Variants in ESRRB observed in about 807,000 individuals in gnomAD.
ESRRB encodes steroid hormone receptor ERR2.
Under a neutral mutation model 46.0 loss-of-function variants are expected in ESRRB, and 16 were observed. The observed-to-expected ratio is 0.35, with a 90% CI of 0.24 to 0.53. The LOEUF is 0.53. Ranked by LOEUF, ESRRB falls within the 20% of genes least tolerant of loss-of-function variation. The pLI is 0.93. For synonymous variants in ESRRB, 246 were observed against 259.6 expected (o/e 0.95, Z 0.50); for missense variants, 488 against 607.4 (o/e 0.80, Z 2.07).
chr14:76,432,691 T>C (rs974569206), intron 1 of ESRRB, among the ~76,000 whole-genome samples: 2 of 125,094 alleles, frequency 1.6e-5, no homozygotes, highest in African/African-American at 3.6e-5. Flanking sequence ...TTTTTTTTTT[T>C]CTGAGACGGT....
intron 1 of ESRRB, among the ~76,000 whole-genome samples, chr14:76,380,098 G>A (rs1884949072): frequency 6.6e-6 from 1 of 152,142 alleles, no homozygotes; most frequent in Non-Finnish European, 1.5e-5. Context: ...TGTCCTGCGT[G>A]TGCTCCATTC....
chr14:76,454,968 C>G (rs574926822), intron 2 of ESRRB, among the ~76,000 whole-genome samples: 2 of 152,124 alleles, frequency 1.3e-5, no homozygotes, highest in African/African-American at 4.8e-5. Context: ...GCCTGGCCAA[C>G]ATGGTGAGGA....
intron 1 of ESRRB, among the ~76,000 whole-genome samples, chr14:76,403,879 C>T (rs543377622): frequency 1.0e-3 from 152 of 152,256 alleles, no homozygotes; most frequent in African/African-American, 3.3e-3. Flanking sequence ...CCACCACGCC[C>T]GGCTAATTTT....
chr14:76,385,196 T>C (rs1162376258), intron 1 of ESRRB, among the ~76,000 whole-genome samples: 1 of 145,010 alleles, frequency 6.9e-6, no homozygotes, highest in African/African-American at 2.5e-5. Context: ...TTCTTACTCA[T>C]AGTTTCTTTT....
chr14:76,324,047 G>A (rs368746778), intron 1 of ESRRB, among the ~76,000 whole-genome samples: 2 of 152,174 alleles, frequency 1.3e-5, no homozygotes, highest in African/African-American at 2.4e-5. Context: ...AACTTAGGTC[G>A]GAGTCTCCAG....
At chr14:76,332,034 C>T (rs1048752651) in intron 1 of ESRRB, among the ~76,000 whole-genome samples, 1 of 151,950 alleles carries the variant, frequency 6.6e-6, no homozygotes. Context: ...CCCCAATTTA[C>T]AGATCATTTT....
intron 1 of ESRRB, among the ~76,000 whole-genome samples, chr14:76,383,172 T>C (rs1325086433): frequency 6.6e-6 from 1 of 152,228 alleles, no homozygotes; most frequent in Non-Finnish European, 1.5e-5. Flanking sequence ...ATGTGAAGTG[T>C]CAAATTGAAT....
At chr14:76,443,609 A>G (rs1424182254) in intron 2 of ESRRB, among the ~76,000 whole-genome samples, 1 of 152,208 alleles carries the variant, frequency 6.6e-6, no homozygotes, top group African/African-American at 2.4e-5. Context: ...CTTTGAGGTC[A>G]GTTTTTGAAG....
chr14:76,476,377 G>T (rs1889586011), intron 3 of ESRRB, among the ~76,000 whole-genome samples: 1 of 152,146 alleles, frequency 6.6e-6, no homozygotes, highest in Admixed American at 6.5e-5. Flanking sequence ...TTATCAATAA[G>T]ATGATAAAAT....
In ESRRB at chr14:76,500,104, C is replaced by G. The variant is rs370126151; in HGVS notation, c.*1646C>G. ...AGCTTTTCCATAGAAGCCCTGGTCCCACCTCCTTGGCTCTACCCCAGGAAC... is the reference window on the plus strand; with the variant it reads ...AGCTTTTCCATAGAAGCCCTGGTCCGACCTCCTTGGCTCTACCCCAGGAAC... On this transcript the variant is annotated 3_prime_UTR_variant, in exon 7 of 7. Transcript: ENST00000644823. 6.6e-7 allele frequency: 1 copy of G among 1,519,398 alleles called. No individual in the cohort carries two copies. The allele number at this position is 1,519,398 out of a possible 1,614,324, so 94.1% of individuals were successfully genotyped here.
At chr14:76,312,087 T>A (rs1422342426) in intron 1 of ESRRB, among the ~76,000 whole-genome samples, 1 of 151,650 alleles carries the variant, frequency 6.6e-6, no homozygotes, top group Admixed American at 6.6e-5. Context: ...GGATACCATA[T>A]GCTATATGAC....
At position 76,500,873 on chromosome 14, in the gene ESRRB, T is replaced by TGCCTGTGGGGAATCGGGTCTG; in HGVS notation, c.*2415_*2416insGCCTGTGGGGAATCGGGTCTG. On this transcript the variant is annotated 3_prime_UTR_variant, in exon 7 of 7. Transcript: ENST00000644823. Reference sequence around the variant, plus strand: ...GTGTCCATGAGGTGGAAGCTGCTTTTATACTTAAAACTCAGATCACAACAG... The same window carrying TGCCTGTGGGGAATCGGGTCTG: ...GTGTCCATGAGGTGGAAGCTGCTTTTGCCTGTGGGGAATCGGGTCTGATACTTAAAACTCAGATCACAACAG... 1.3e-6 allele frequency: 1 copy of TGCCTGTGGGGAATCGGGTCTG among 791,528 alleles called. No individual in the cohort carries two copies. The allele number at this position is 791,528 out of a possible 1,614,324, so 49.0% of individuals were successfully genotyped here.
intron 3 of ESRRB, among the ~76,000 whole-genome samples, chr14:76,476,394 AT>A (rs1275735785): frequency 6.6e-6 from 1 of 152,228 alleles, no homozygotes; most frequent in Non-Finnish European, 1.5e-5. Flanking sequence ...AAATCTAATA[AT>A]CCTAGACAGT....
At chr14:76,396,316 ATG>A (rs1885680206) in intron 1 of ESRRB, among the ~76,000 whole-genome samples, 1 of 152,188 alleles carries the variant, frequency 6.6e-6, no homozygotes, top group Admixed American at 6.5e-5. Context: ...GTAAAATCAC[ATG>A]TATGGCTTTT....
At chr14:76,373,092 C>T (rs926036348), upstream of ESRRB, among the ~76,000 whole-genome samples, 1 of 152,192 alleles carries the variant, frequency 6.6e-6, no homozygotes, top group Non-Finnish European at 1.5e-5. Context: ...ACAAAAACAA[C>T]GTGAGCTGCT....
intron 1 of ESRRB, among the ~76,000 whole-genome samples, chr14:76,351,487 A>T (rs1369722074): frequency 6.6e-6 from 1 of 152,216 alleles, no homozygotes; most frequent in Non-Finnish European, 1.5e-5. Context: ...TTATAGGGCC[A>T]CTGGTTGCAT....
At chr14:76,497,585 C>T (rs1890481693) in intron 6 of ESRRB, among the ~76,000 whole-genome samples, 1 of 152,180 alleles carries the variant, frequency 6.6e-6, no homozygotes, top group Non-Finnish European at 1.5e-5. Context: ...GTGCCTCATG[C>T]CGCCACCTTG....
chr14:76,380,585 G>A (rs888023597), intron 1 of ESRRB, among the ~76,000 whole-genome samples: 7 of 152,110 alleles, frequency 4.6e-5, no homozygotes, highest in African/African-American at 7.2e-5. Flanking sequence ...AACACCTACC[G>A]GCCATCATCG....
intron 1 of ESRRB, among the ~76,000 whole-genome samples, chr14:76,439,100 G>C (rs2139932039): frequency 6.6e-6 from 1 of 152,266 alleles, no homozygotes; most frequent in East Asian, 1.9e-4. Flanking sequence ...ACCACACCTG[G>C]TCCGCTGAAG....
Sources: gnomAD v4.1 joint callset for allele counts (sites outside exome capture counted in the v4.1 genomes callset) on GRCh38, gnomAD v4.1.1 for gene constraint, MANE v1.5 for transcripts, NCBI Gene and HGNC (gene_info 2026-07-23, HGNC 2026-07-21) for gene names.